CBX5: variants seen among roughly 807,000 people sequenced by gnomAD.
CBX5 encodes the protein chromobox 5, also known as chromobox protein homolog 5.
Under a neutral mutation model 20.7 loss-of-function variants are expected in CBX5, and 7 were observed. That is an observed-to-expected ratio of 0.34 (90% CI 0.19 to 0.63). The LOEUF is 0.63. Ranked by LOEUF, CBX5 falls within the 30% of genes least tolerant of loss-of-function variation. The pLI is 0.75. For synonymous variants in CBX5, 78 were observed against 77.0 expected (o/e 1.01, Z -0.07); for missense variants, 110 against 224.1 (o/e 0.49, Z 3.25).
intron 1 of CBX5, among the ~76,000 whole-genome samples, chr12:54,261,928 C>T (rs922090293): frequency 2.0e-5 from 3 of 152,142 alleles, no homozygotes; most frequent in African/African-American, 7.2e-5. Context: ...AAAAATATGT[C>T]AGGGCTGAAT....
rs1258538982 is a variant in CBX5 at position 54,236,257 on chromosome 12, T to C, written c.*5498A>G. The C allele has an allele frequency of 1.3e-5, 2 of 152,322 alleles. No homozygotes were observed. Among genetic ancestry groups the C allele is most frequent in the South Asian group, 2.1e-4 (1 of 4,830 alleles). The allele number at this position is 152,322 out of a possible 1,614,324, so 9.4% of individuals were successfully genotyped here. On this transcript the variant is annotated 3_prime_UTR_variant, in exon 5 of 5. Transcript: ENST00000209875. ...ACTATTTTTTTTTTGAACAGAAACATAGCTTGTAAGCACTTAAACTATTAA... is the reference window on the plus strand; with the variant it reads ...ACTATTTTTTTTTTGAACAGAAACACAGCTTGTAAGCACTTAAACTATTAA...
At position 54,241,869 on chromosome 12, in the gene CBX5, T is replaced by C. The variant is rs1332772892; in HGVS notation, c.462A>G (p.Lys154=). The change falls in exon 5 of 5, where the codon AAA becomes AAG. Residue 154 remains lysine, a synonymous_variant. Transcript: ENST00000209875. ...TTTGTGGACATTTCACATTAGCTTCTTTTGCAAGAACCAGGTCAGCTTCAT... is the reference window on the plus strand; with the variant it reads ...TTTGTGGACATTTCACATTAGCTTCCTTTGCAAGAACCAGGTCAGCTTCAT... ...DTDEADLVLA[K]EANVKCPQIV... is the part of the protein sequence containing the mutation. 6.2e-7 allele frequency: 1 copy of C among 1,613,736 alleles called. No homozygotes were observed. Among genetic ancestry groups the C allele is most frequent in the East Asian group, 2.2e-5 (1 of 44,884 alleles).
At chr12:54,260,178 A>C (rs1189235831) in intron 1 of CBX5, among the ~76,000 whole-genome samples, 2 of 151,914 alleles carry the variant, frequency 1.3e-5, no homozygotes, top group Non-Finnish European at 1.5e-5. Context: ...AAAAAAAAAA[A>C]AACCCCTTTT....
chr12:54,271,925 T>A (rs1944014293), intron 1 of CBX5: 3 of 152,346 alleles, frequency 2.0e-5, no homozygotes, highest in Admixed American at 2.0e-4. Flanking sequence ...TGAGGTTTGC[T>A]ATGTTTTATC....
At chr12:54,266,009 T>C (rs1440588366) in intron 1 of CBX5, among the ~76,000 whole-genome samples, 1 of 150,404 alleles carries the variant, frequency 6.6e-6, no homozygotes, top group Non-Finnish European at 1.5e-5. Context: ...ATGGTGCCAC[T>C]GCACTCCAGC....
At chr12:54,277,880 G>A (rs566165022) in intron 1 of CBX5, among the ~76,000 whole-genome samples, 35 of 152,218 alleles carry the variant, frequency 2.3e-4, no homozygotes, top group South Asian at 2.1e-4. Flanking sequence ...GTGCTGCCCA[G>A]ACTGGAGTGC....
At chr12:54,245,854 T>G (rs531825253) in intron 4 of CBX5, among the ~76,000 whole-genome samples, 16 of 152,230 alleles carry the variant, frequency 1.1e-4, no homozygotes, top group African/African-American at 3.9e-4. Context: ...GGCGGGCACC[T>G]GTCATCCCAG....
Position 54,233,063 on chromosome 12 carries a change from C to T in CBX5, c.*8692G>A, listed in dbSNP as rs970047736. ...CCTCTTACTACATCACATCCCTCCCCACAATACCCAGAGGGCTGCATTTTT... is the reference window on the plus strand; with the variant it reads ...CCTCTTACTACATCACATCCCTCCCTACAATACCCAGAGGGCTGCATTTTT... On this transcript the variant is annotated 3_prime_UTR_variant, in exon 5 of 5. Coordinates refer to ENST00000209875, the MANE Select transcript of CBX5 (RefSeq NM_012117.3). 2.6e-5 allele frequency: 4 copies of T among 152,166 alleles called. No individual in the cohort carries two copies. Among genetic ancestry groups the T allele is most frequent in the African/African-American group, 9.7e-5 (4 of 41,428 alleles). 9.4% of individuals were successfully genotyped at this position (152,166 alleles called of 1,614,324 possible). A position where few individuals can be genotyped will look rare whatever the true frequency, so the allele number is the denominator to read the frequency against.
At chr12:54,249,510 TA>T (rs1445983672) in intron 3 of CBX5, among the ~76,000 whole-genome samples, 1 of 151,744 alleles carries the variant, frequency 6.6e-6, no homozygotes, top group Non-Finnish European at 1.5e-5. Context: ...GGTATAAATC[TA>T]ATTAGAATGA....
chr12:54,253,451 C>T (rs533666748), intron 2 of CBX5, among the ~76,000 whole-genome samples: 3 of 152,022 alleles, frequency 2.0e-5, no homozygotes, highest in East Asian at 1.9e-4. Flanking sequence ...TTGGGCTGGG[C>T]GCAGTGACTC....
Position 54,236,377 on chromosome 12 carries a change from G to C in CBX5, c.*5378C>G, listed in dbSNP as rs1405955617. The C allele has an allele frequency of 3.3e-5, 5 of 152,156 alleles. No homozygotes were observed. In the East Asian group the frequency reaches 9.6e-4, roughly 29 times the overall value. 9.4% of individuals were successfully genotyped at this position (152,156 alleles called of 1,614,324 possible). ...TCTTCAGGCCAAAAAAATGTCTGTT[G>C]AATGAAACCAATGTTGATGTACAGC... On this transcript the variant is annotated 3_prime_UTR_variant, in exon 5 of 5. Coordinates refer to ENST00000209875, the MANE Select transcript of CBX5 (RefSeq NM_012117.3).
intron 3 of CBX5, among the ~76,000 whole-genome samples, chr12:54,247,174 C>G (rs1371905125): frequency 6.6e-6 from 1 of 152,006 alleles, no homozygotes; most frequent in East Asian, 1.9e-4. Flanking sequence ...GTGCCTATCC[C>G]CTCTGGATGT....
rs3825197 is a variant in CBX5 at position 54,232,277 on chromosome 12, G to C, written c.*9478C>G. 3.0e-3 allele frequency: 451 copies of C among 152,398 alleles called. 4 individuals carry two copies. In the East Asian group the frequency reaches 0.031, roughly 10 times the overall value. The allele number at this position is 152,398 out of a possible 1,614,324, so 9.4% of individuals were successfully genotyped here. A position where few individuals can be genotyped will look rare whatever the true frequency, so the allele number is the denominator to read the frequency against. On this transcript the variant is annotated 3_prime_UTR_variant, in exon 5 of 5. Transcript: ENST00000209875. ...TGAACTAGCAGCTTTGATGAGGGGTGGGGGGCAGAAAATTTGCCGAGTCAC... is the reference window on the plus strand; with the variant it reads ...TGAACTAGCAGCTTTGATGAGGGGTCGGGGGCAGAAAATTTGCCGAGTCAC...
intron 4 of CBX5, among the ~76,000 whole-genome samples, chr12:54,244,824 T>C (rs918482801): frequency 3.3e-5 from 5 of 152,166 alleles, no homozygotes; most frequent in Non-Finnish European, 4.4e-5. Context: ...TTGGCCAGTA[T>C]TAGCTTTAAT....
intron 4 of CBX5, among the ~76,000 whole-genome samples, chr12:54,242,417 C>G (rs973093262): frequency 6.7e-6 from 1 of 149,796 alleles, no homozygotes; most frequent in South Asian, 2.1e-4. Context: ...CCCAGCTACT[C>G]GGGAGGCTGA....
intron 2 of CBX5, among the ~76,000 whole-genome samples, chr12:54,253,746 A>C (rs950014292): frequency 6.4e-4 from 97 of 151,732 alleles, no homozygotes; most frequent in Non-Finnish European, 1.2e-3. Flanking sequence ...AAAAAAAAAA[A>C]AAAATCACTG....
chr12:54,259,438 C>T (rs1338456164), intron 1 of CBX5: 9 of 152,552 alleles, frequency 5.9e-5, no homozygotes, highest in Admixed American at 1.3e-4. Flanking sequence ...AGGAAAATCT[C>T]CCTTTATACC....
chr12:54,262,217 G>C (rs1458787734), intron 1 of CBX5, among the ~76,000 whole-genome samples: 1 of 152,180 alleles, frequency 6.6e-6, no homozygotes, highest in Non-Finnish European at 1.5e-5. Flanking sequence ...AGGAACAGGA[G>C]AGAATGACAG....
chr12:54,239,643 TC>T lies in CBX5; in HGVS notation c.*2111del. The T allele has an allele frequency of 6.6e-6, 1 of 152,190 alleles. No homozygotes were observed. The highest frequency in any genetic ancestry group is 1.5e-5 in the Non-Finnish European group (1 of 68,044). The allele number at this position is 152,190 out of a possible 1,614,324, so 9.4% of individuals were successfully genotyped here. ...CCAGCACTTGATCTAGGCCTTTAATTCCTTCAGAGAGAGAAGGAATATAGAG... is the reference window on the plus strand; with the variant it reads ...CCAGCACTTGATCTAGGCCTTTAATTCTTCAGAGAGAGAAGGAATATAGAG... On this transcript the variant is annotated 3_prime_UTR_variant, in exon 5 of 5. Transcript: ENST00000209875.
Sources: allele counts gnomAD v4.1 joint callset (sites outside exome capture counted in the v4.1 genomes callset), GRCh38; gene constraint gnomAD v4.1.1; transcripts MANE v1.5; gene names NCBI Gene and HGNC (gene_info 2026-07-23, HGNC 2026-07-21).